PPP1R16B: variants seen among roughly 807,000 people sequenced by gnomAD.
PPP1R16B encodes protein phosphatase 1 regulatory subunit 16B, also known as protein phosphatase 1 regulatory inhibitor subunit 16B.
A neutral mutation model predicts 61.7 loss-of-function variants in PPP1R16B; 14 were observed. The observed-to-expected ratio is 0.23, with a 90% CI of 0.15 to 0.35. The LOEUF (loss-of-function observed/expected upper bound fraction) is 0.35, where lower values mean the gene tolerates loss of function less well. Ranked by LOEUF, PPP1R16B falls within the 10% of genes least tolerant of loss-of-function variation. PPP1R16B has a pLI of 1.00. For missense variants in PPP1R16B, 547 were observed against 752.5 expected, an observed-to-expected ratio of 0.73 and a Z score of 3.19; for synonymous variants, 266 against 305.3, an observed-to-expected ratio of 0.87 and a Z score of 1.34.
At chr20:38,879,276 AAG>A (rs2145751411) in intron 2 of PPP1R16B, among the ~76,000 whole-genome samples, 1 of 152,262 alleles carries the variant, frequency 6.6e-6, no homozygotes, top group East Asian at 1.9e-4. Context: ...AAGGGAGAAG[AAG>A]AGAGAGGGAA....
At chr20:38,885,966 G>T (rs1480664528) in intron 2 of PPP1R16B, among the ~76,000 whole-genome samples, 1 of 152,170 alleles carries the variant, frequency 6.6e-6, no homozygotes, top group East Asian at 1.9e-4. Context: ...AGTAGAGACA[G>T]GGTTTCGCCA....
chr20:38,850,148 T>C (rs975726545), intron 2 of PPP1R16B, among the ~76,000 whole-genome samples: 7 of 152,142 alleles, frequency 4.6e-5, no homozygotes, highest in Admixed American at 4.6e-4. Context: ...GTAAGAATAA[T>C]TTATTTTCCC....
Position 38,889,890 on chromosome 20 carries a change from A to G in PPP1R16B, c.321+225A>G, listed in dbSNP as rs183778879. ...TGTGCGCCCGCAGACGCGACTGCAC[A>G]TGCAGGCTCTAAGGACAGGGAGCCT... On this transcript the variant is annotated intron_variant, in intron 3 of 10. Transcript: ENST00000299824. Among the ~76,000 whole-genome samples the G allele has an allele frequency of 2.1e-3, 321 of 152,374 alleles. 2 individuals are homozygous for G. The highest frequency in any genetic ancestry group is 7.4e-3 in the African/African-American group (306 of 41,586).
At chr20:38,888,874 T>C (rs1195911283) in intron 2 of PPP1R16B, among the ~76,000 whole-genome samples, 1 of 105,880 alleles carries the variant, frequency 9.4e-6, no homozygotes, top group Non-Finnish European at 1.9e-5. Context: ...CCAGAATCCC[T>C]GAACACACAC....
chr20:38,832,912 CA>C (rs557919611), intron 1 of PPP1R16B, among the ~76,000 whole-genome samples: 7,575 of 68,256 alleles, frequency 0.11, 168 homozygotes, highest in Non-Finnish European at 0.13. Context: ...AGCGAGATCT[CA>C]AAAAAAAAAA....
intron 2 of PPP1R16B, among the ~76,000 whole-genome samples, chr20:38,867,808 G>A (rs1186770646): frequency 1.3e-5 from 2 of 152,072 alleles, no homozygotes; most frequent in Admixed American, 6.6e-5. Flanking sequence ...GAGTAGCTGG[G>A]ATTACAGGCG....
At position 38,918,466 on chromosome 20, in the gene PPP1R16B, C is replaced by G; in HGVS notation, c.1504C>G (p.Leu502Val). The G allele has an allele frequency of 6.2e-7, 1 of 1,614,060 alleles. No individual in the cohort carries two copies. Among genetic ancestry groups the G allele is most frequent in the Non-Finnish European group, 8.5e-7 (1 of 1,179,938 alleles). The change falls in exon 11 of 11, where the codon CTG becomes GTG. Residue 502 changes from leucine to valine, a missense_variant. Coordinates refer to ENST00000299824, the MANE Select transcript of PPP1R16B (RefSeq NM_015568.4). This position sits in a 1 kb window ranked among gnomAD's most constrained non-coding sequence, Gnocchi z 5.3. ...CAGCCACCCCTTCCTTAGCACACACCTGGGCAGCAGCATGGCCAGGACGGG... is the reference window on the plus strand; with the variant it reads ...CAGCCACCCCTTCCTTAGCACACACGTGGGCAGCAGCATGGCCAGGACGGG... ...LLSHPFLSTH[L>V]GSSMARTGES...
rs1170286875 is a variant in PPP1R16B, at chr20:38,806,227, C to T, written c.-102+435C>T. 6.6e-6 allele frequency among the ~76,000 whole-genome samples: 1 copy of T among 152,116 alleles called. No individual in the cohort carries two copies. Among genetic ancestry groups the T allele is most frequent in the African/African-American group, 2.4e-5 (1 of 41,434 alleles). On this transcript the variant is annotated intron_variant, in intron 1 of 10. Coordinates refer to ENST00000299824, the MANE Select transcript of PPP1R16B (RefSeq NM_015568.4). This position sits in a 1 kb window ranked among gnomAD's most constrained non-coding sequence, Gnocchi z 4.5. ...ACCCCCCCCCGCGCACTCTCCCGGC[C>T]GGGCATGGTGGTGCCGCCCCCTCGC...
At chr20:38,896,898 G>A (rs971564761) in intron 4 of PPP1R16B, among the ~76,000 whole-genome samples, 1 of 152,190 alleles carries the variant, frequency 6.6e-6, no homozygotes, top group African/African-American at 2.4e-5. Flanking sequence ...TGTAATCTCA[G>A]CACTTTGGGA....
At chr20:38,833,021 T>A (rs1284450284) in intron 1 of PPP1R16B, among the ~76,000 whole-genome samples, 1 of 152,102 alleles carries the variant, frequency 6.6e-6, no homozygotes, top group Non-Finnish European at 1.5e-5. Flanking sequence ...AATCTGTAGA[T>A]GAATGGAACA....
At chr20:38,834,149 GT>G (rs1403253381) in intron 1 of PPP1R16B, among the ~76,000 whole-genome samples, 3 of 152,138 alleles carry the variant, frequency 2.0e-5, no homozygotes, top group African/African-American at 7.2e-5. Flanking sequence ...GTGTCTTAAT[GT>G]TTAGGGCCAG....
intron 2 of PPP1R16B, among the ~76,000 whole-genome samples, chr20:38,856,883 T>C (rs1022209748): frequency 2.0e-5 from 3 of 152,216 alleles, no homozygotes; most frequent in African/African-American, 7.2e-5. Context: ...ACATGGAGCA[T>C]TTCTCCTTCA....
Position 38,896,724 on chromosome 20 carries a change from A to G in PPP1R16B, c.467+1014A>G, listed in dbSNP as rs536549563. On this transcript the variant is annotated intron_variant, in intron 4 of 10. Coordinates refer to ENST00000299824, the MANE Select transcript of PPP1R16B (RefSeq NM_015568.4). The stretch of plus-strand genomic sequence containing the variant: ...ACTCTCCATCTTCAGAATGACTTTC[A>G]TCTCGCAAAACTGAAACTCTGTACC... Among the ~76,000 whole-genome samples the G allele has an allele frequency of 1.2e-4, 19 of 152,242 alleles. No homozygotes were observed. The East Asian group carries it at 3.5e-3, about 28-fold the overall frequency.
chr20:38,902,339 G>A (rs924482896), intron 5 of PPP1R16B, among the ~76,000 whole-genome samples: 1 of 152,206 alleles, frequency 6.6e-6, no homozygotes, highest in African/African-American at 2.4e-5. Flanking sequence ...ATCCAGTCCA[G>A]GACCTAAAGA....
At chr20:38,908,859 A>G (rs2085467106) in intron 10 of PPP1R16B, among the ~76,000 whole-genome samples, 1 of 152,210 alleles carries the variant, frequency 6.6e-6, no homozygotes, top group African/African-American at 2.4e-5. Context: ...GGGGCTCTCA[A>G]GGGGATTCTG....
intron 2 of PPP1R16B, among the ~76,000 whole-genome samples, chr20:38,886,625 A>G (rs2085247234): frequency 6.6e-6 from 1 of 152,098 alleles, no homozygotes; most frequent in African/African-American, 2.4e-5. Flanking sequence ...CTTTGCCATA[A>G]TCTCCTACAT....
At chr20:38,860,531 T>C (rs2085042119) in intron 2 of PPP1R16B, among the ~76,000 whole-genome samples, 1 of 152,142 alleles carries the variant, frequency 6.6e-6, no homozygotes, top group South Asian at 2.1e-4. Flanking sequence ...ATCCTCAGAG[T>C]TCCCTCATTC....
At chr20:38,899,112 C>T (rs1354140490) in intron 4 of PPP1R16B, among the ~76,000 whole-genome samples, 6 of 152,176 alleles carry the variant, frequency 3.9e-5, no homozygotes, top group Non-Finnish European at 7.3e-5. Flanking sequence ...AGGAGCCCAT[C>T]GTTGGCTCCC....
intron 2 of PPP1R16B, among the ~76,000 whole-genome samples, chr20:38,841,315 C>G (rs965550004): frequency 7.4e-6 from 1 of 135,592 alleles, no homozygotes; most frequent in African/African-American, 2.8e-5. Context: ...CGCTTAAGCC[C>G]AGGAGTTCTA....
Sources: allele counts gnomAD v4.1 joint callset (sites outside exome capture counted in the v4.1 genomes callset), GRCh38; gene constraint gnomAD v4.1.1; non-coding constraint Gnocchi (gnomAD v3.1); transcripts MANE v1.5; gene names NCBI Gene and HGNC (gene_info 2026-07-23, HGNC 2026-07-21).